The following FAM234B variants were observed in gnomAD, a reference collection of about 807,000 sequenced individuals.
The protein encoded by FAM234B is family with sequence similarity 234 member B.
Under a neutral mutation model 69.3 loss-of-function variants are expected in FAM234B, and 33 were observed. The ratio of observed to expected loss-of-function variants is 0.48; its 90% CI spans 0.36 to 0.64. The LOEUF is 0.64. Among genes scored for constraint, FAM234B ranks in the 30% least tolerant of loss-of-function variants. FAM234B has a pLI of 0.00. For synonymous variants in FAM234B, 306 were observed against 306.9 expected (o/e 1.00, Z 0.03); for missense variants, 697 against 769.7 (o/e 0.91, Z 1.12).
In FAM234B at chr12:13,068,316, A is replaced by C; in HGVS notation, c.1155A>C (p.Glu385Asp). 1 of 1,614,158 alleles carries C rather than the reference A, an allele frequency of 6.2e-7. No individual in the cohort carries two copies. The change falls in exon 8 of 13, where the codon GAA (glutamate) becomes GAC (aspartate). Residue 385 changes from glutamate to aspartate, a missense_variant. Physicochemically the swap from Glu to Asp is conservative, Grantham distance 45. This residue lies in a region of FAM234B where 313 missense variants were observed against 305.5 expected (regional missense o/e 1.02). Transcript: ENST00000197268. ...ELIDVYSDGV[E>D]LLQMVKAPDS... is the part of the protein sequence containing the mutation. ...TTATTTAACCCAGTGATGGTGTTGA[A>C]CTACTCCAGATGGTGAAGGCACCAG... is the stretch of plus-strand genomic sequence containing the variant.
At chr12:13,054,356 A>G (rs1197919886) in intron 1 of FAM234B, among the ~76,000 whole-genome samples, 1 of 152,202 alleles carries the variant, frequency 6.6e-6, no homozygotes, top group African/African-American at 2.4e-5. Flanking sequence ...TTCACAATTT[A>G]TGTTCTTCTG....
intron 9 of FAM234B, among the ~76,000 whole-genome samples, chr12:13,069,761 C>G (rs187101348): frequency 2.0e-5 from 3 of 152,230 alleles, no homozygotes; most frequent in Non-Finnish European, 4.4e-5. Flanking sequence ...CAGAGGGCCC[C>G]AAAAGCACAG....
At chr12:13,066,866 G>A (rs1020290773) in intron 6 of FAM234B, 79 bp downstream of exon 6, 8 of 1,489,250 alleles carry the variant, frequency 5.4e-6, no homozygotes, top group Non-Finnish European at 5.5e-6. Context: ...CAGGGTGAAA[G>A]CTCAGGAACT....
At position 13,044,572 on chromosome 12, in the gene FAM234B, A is replaced by T. The variant is rs1184223544; in HGVS notation, c.37+132A>T. 1.0e-6 allele frequency: 1 copy of T among 960,938 alleles called. No individual in the cohort carries two copies. Among genetic ancestry groups the T allele is most frequent in the Non-Finnish European group, 1.6e-6 (1 of 631,404 alleles). 59.5% of individuals were successfully genotyped at this position (960,938 alleles called of 1,614,324 possible). A position where few individuals can be genotyped will look rare whatever the true frequency, so the allele number is the denominator to read the frequency against. On this transcript the variant is annotated intron_variant, in intron 1 of 12. Coordinates refer to ENST00000197268, the MANE Select transcript of FAM234B (RefSeq NM_020853.2). This position sits in a 1 kb window ranked among gnomAD's most constrained non-coding sequence, Gnocchi z 5.6. ...CAGCTGCAGGCGCCCGGTGCCGAGG[A>T]GGGTGCAGTCCCTTGGGGCTGGGGT...
At chr12:13,065,613 G>T (rs1865027747) in intron 5 of FAM234B, among the ~76,000 whole-genome samples, 1 of 152,006 alleles carries the variant, frequency 6.6e-6, no homozygotes, top group Admixed American at 6.6e-5. Context: ...GGCAGATTTT[G>T]ACTCATCTTC....
intron 3 of FAM234B, among the ~76,000 whole-genome samples, chr12:13,060,147 G>T (rs533877661): frequency 1.3e-5 from 2 of 152,336 alleles, no homozygotes; most frequent in South Asian, 4.1e-4. Flanking sequence ...AACTTGCCCA[G>T]TCCTACTGCT....
In FAM234B at chr12:13,071,392, A is replaced by G. The variant is rs1196559015; in HGVS notation, c.1520A>G (p.Asn507Ser). Residue 507 changes from asparagine (N) to serine (S), a missense_variant, in exon 10 of 13, where the codon AAT becomes AGT. By Grantham distance (46) the Asn-to-Ser change is conservative (BLOSUM62 1). Coordinates refer to ENST00000197268, the MANE Select transcript of FAM234B (RefSeq NM_020853.2). ...GAAGGGCTGTCAGCTGCATCTCCCA[A>G]TTCCGTGAGTGAGCCTGGGAGGGTC... ...WAEGLSAASP[N>S]SDIILGTEPP... The G allele has an allele frequency of 1.2e-6, 2 of 1,613,968 alleles. No individual in the cohort carries two copies. Among genetic ancestry groups the G allele is most frequent in the East Asian group, 2.2e-5 (1 of 44,880 alleles).
intron 11 of FAM234B, among the ~76,000 whole-genome samples, chr12:13,077,271 A>G (rs1264643082): frequency 2.0e-5 from 3 of 151,684 alleles, no homozygotes; most frequent in Non-Finnish European, 4.4e-5. Flanking sequence ...TCATTTTTTA[A>G]ATTTTATTAT....
In FAM234B at chr12:13,062,952, G is replaced by T; in HGVS notation, c.829G>T (p.Val277Phe). The change falls in exon 5 of 13, where the codon GTT becomes TTT. Residue 277 changes from valine to phenylalanine, a missense_variant. Val to Phe is a conservative substitution (Grantham distance 50). This residue lies in a region of FAM234B where 380 missense variants were observed against 447.1 expected (regional missense o/e 0.85). Transcript: ENST00000197268. Reference sequence around the variant, plus strand: ...TGAAGACGGTGTTCGAGACCTTGTGGTTCTGGCCATTGGGGAATTGCAGGT... The same window carrying T: ...TGAAGACGGTGTTCGAGACCTTGTGTTTCTGGCCATTGGGGAATTGCAGGT... The part of the protein sequence containing the change: ...LDEDGVRDLV[V>F]LAIGELQPDL... 1 of 1,614,052 alleles carries T rather than the reference G, an allele frequency of 6.2e-7. No individual in the cohort carries two copies. The highest frequency in any genetic ancestry group is 8.5e-7 in the Non-Finnish European group (1 of 1,179,928).
chr12:13,071,200 T>G, intron 9 of FAM234B, 41 bp from the exon 10 acceptor site: 1 of 1,606,676 alleles, frequency 6.2e-7, no homozygotes, highest in Non-Finnish European at 8.5e-7. Flanking sequence ...GCTGCTTTTT[T>G]GAGGCCTGGC....
intron 3 of FAM234B, among the ~76,000 whole-genome samples, chr12:13,059,112 A>G (rs932880141): frequency 1.3e-5 from 2 of 152,146 alleles, no homozygotes; most frequent in Non-Finnish European, 2.9e-5. Context: ...TCTCCTTTCA[A>G]TGGGGAGCAC....
chr12:13,075,704 C>T (rs1418602134), intron 10 of FAM234B, among the ~76,000 whole-genome samples: 2 of 151,358 alleles, frequency 1.3e-5, no homozygotes, highest in African/African-American at 2.4e-5. Flanking sequence ...CATCTGCCCA[C>T]CTCGGCCTCC....
At chr12:13,077,663 G>A (rs1379391466) in intron 11 of FAM234B, among the ~76,000 whole-genome samples, 2 of 151,054 alleles carry the variant, frequency 1.3e-5, no homozygotes, top group Non-Finnish European at 3.0e-5. Flanking sequence ...TCTTAATCCA[G>A]TCTATCATTG....
chr12:13,079,440 C>T (rs57966651), intron 11 of FAM234B, among the ~76,000 whole-genome samples: 129 of 152,322 alleles, frequency 8.5e-4, no homozygotes, highest in African/African-American at 2.8e-3. Context: ...TCTGTGACTG[C>T]GCACTGACAG....
Position 13,067,044 on chromosome 12 carries a change from C to A in FAM234B, c.1001-111C>A. On this transcript the variant is annotated intron_variant, in intron 6 of 12. Transcript: ENST00000197268. This position sits in a 1 kb window ranked among gnomAD's most constrained non-coding sequence, Gnocchi z 4.7. ...CTTGTTCCGTGTTGTCCAGTCTGGG[C>A]GGGCTCTGTTAGACCCATCTGGTCA... The A allele has an allele frequency of 1.6e-6, 2 of 1,253,554 alleles. No individual in the cohort carries two copies. The highest frequency in any genetic ancestry group is 2.3e-6 in the Non-Finnish European group (2 of 878,918). 77.7% of individuals were successfully genotyped at this position (1,253,554 alleles called of 1,614,324 possible).
At chr12:13,058,406 T>C in intron 2 of FAM234B, 45 bp from the exon 3 acceptor site, 1 of 1,514,714 alleles carries the variant, frequency 6.6e-7, no homozygotes. Flanking sequence ...AACTGGTTTG[T>C]GGTAACTTGC....
At chr12:13,064,467 C>T (rs892223626) in intron 5 of FAM234B, among the ~76,000 whole-genome samples, 1 of 152,152 alleles carries the variant, frequency 6.6e-6, no homozygotes, top group Non-Finnish European at 1.5e-5. Context: ...CGCTTATTAG[C>T]TGGTGGTGGT....
intron 3 of FAM234B, 25 bp downstream of exon 3, chr12:13,058,574 CT>C: frequency 6.3e-7 from 1 of 1,581,052 alleles, no homozygotes; most frequent in Non-Finnish European, 8.7e-7. Context: ...TTTTTCAAGG[CT>C]GCTACAGGGG....
At chr12:13,045,666 A>G (rs903908421) in intron 1 of FAM234B, among the ~76,000 whole-genome samples, 1 of 152,160 alleles carries the variant, frequency 6.6e-6, no homozygotes, top group Non-Finnish European at 1.5e-5. Flanking sequence ...TGGAAGGAAC[A>G]CTGATAGCAT....
Sources: gnomAD v4.1 joint callset for allele counts (sites outside exome capture counted in the v4.1 genomes callset) on GRCh38, gnomAD v4.1.1 for gene constraint, gnomAD v4.1.1 regional missense constraint, Gnocchi (gnomAD v3.1) non-coding constraint, MANE v1.5 for transcripts, NCBI Gene and HGNC (gene_info 2026-07-23, HGNC 2026-07-21) for gene names.